Variants in MICAL2 observed in about 807,000 individuals in gnomAD.
The protein encoded by MICAL2 is [F-actin]-monooxygenase MICAL2.
A neutral mutation model predicts 127.3 loss-of-function variants in MICAL2; 77 were observed. That is an observed-to-expected ratio of 0.60 (90% CI 0.50 to 0.73). The LOEUF is 0.73. Among genes scored for constraint, MICAL2 ranks in the 30% least tolerant of loss-of-function variants. MICAL2 has a pLI of 0.00. For missense variants in MICAL2, 1,351 were observed against 1,434.4 expected, an observed-to-expected ratio of 0.94 and a Z score of 0.94; for synonymous variants, 570 against 551.1, an observed-to-expected ratio of 1.03 and a Z score of -0.48.
chr11:12,131,450 C>T (rs1274714490), intron 1 of MICAL2, among the ~76,000 whole-genome samples: 1 of 152,204 alleles, frequency 6.6e-6, no homozygotes, highest in Non-Finnish European at 1.5e-5. Flanking sequence ...TCCCTGGCCC[C>T]AATTCTTTGC....
At position 12,204,255 on chromosome 11, in the gene MICAL2, C is replaced by T. The variant is rs770524720; in HGVS notation, c.270C>T (p.Leu90=). The part of the protein sequence containing the change: ...RGKSCTNTKC[L]IVGGGPCGLR... ...CTCCTCTCTCACCTCTGCAGTGTCTCATAGTTGGGGGAGGACCCTGTGGCT... is the reference window on the plus strand; with the variant it reads ...CTCCTCTCTCACCTCTGCAGTGTCTTATAGTTGGGGGAGGACCCTGTGGCT... Residue 90 remains leucine (L), a synonymous_variant, in exon 4 of 28, where the codon CTC becomes CTT. Transcript: ENST00000683283. 20 of 1,614,036 alleles carry T rather than the reference C, an allele frequency of 1.2e-5. No individual in the cohort carries two copies. The highest frequency in any genetic ancestry group is 1.6e-4 in the Middle Eastern group (1 of 6,072).
At chr11:12,258,819 A>G (rs1862688873) in intron 25 of MICAL2, among the ~76,000 whole-genome samples, 1 of 152,226 alleles carries the variant, frequency 6.6e-6, no homozygotes, top group Non-Finnish European at 1.5e-5. Context: ...GAGCTTGCCC[A>G]TGTGGCAGGG....
chr11:12,134,091 C>G (rs2011872), intron 1 of MICAL2, among the ~76,000 whole-genome samples: 136,248 of 152,184 alleles, frequency 0.9, 62,019 homozygotes, highest in Non-Finnish European at 0.99. Flanking sequence ...TCATGAGCCT[C>G]AGTTTCTTCA....
chr11:12,283,078 A>G lies in MICAL2; in HGVS notation c.254+1979A>G, dbSNP rs556628559. ...ACAATTCTTTGTCGAGTTAGTCTTC[A>G]TCAGTCATTGTTTTATCATTGCTAG... On this transcript the variant is annotated intron_variant, in intron 2 of 2. Coordinates refer to the MICAL2 transcript ENST00000529028. Among the ~76,000 whole-genome samples, 3 of 152,320 alleles carry G rather than the reference A, an allele frequency of 2.0e-5. No individual in the cohort carries two copies. The East Asian group carries it at 5.8e-4, about 29-fold the overall frequency.
At chr11:12,203,829 C>T (rs908121565) in intron 3 of MICAL2, among the ~76,000 whole-genome samples, 2 of 152,070 alleles carry the variant, frequency 1.3e-5, no homozygotes, top group Non-Finnish European at 2.9e-5. Flanking sequence ...GACACTATTA[C>T]CTAATTCAAG....
chr11:12,262,658 G>C (rs1267874479), intron 27 of MICAL2, 121 bp downstream of exon 27: 2 of 847,752 alleles, frequency 2.4e-6, no homozygotes, highest in Non-Finnish European at 3.9e-6. Context: ...CATACTGATG[G>C]ACTCATTTGG....
intron 31 of MICAL2, chr11:12,324,146 G>C: frequency 6.5e-7 from 1 of 1,540,860 alleles, no homozygotes; most frequent in Non-Finnish European, 8.7e-7. Context: ...AAGAGTTTTG[G>C]GGGTCTGCAT....
At chr11:12,184,026 C>T (rs1350911075) in intron 3 of MICAL2, among the ~76,000 whole-genome samples, 7 of 152,170 alleles carry the variant, frequency 4.6e-5, no homozygotes, top group East Asian at 1.9e-4. Context: ...GTGATCCACT[C>T]GCCTTGGTTT....
At chr11:12,161,810 G>A (rs925919764) in intron 2 of MICAL2, 2 of 311,924 alleles carry the variant, frequency 6.4e-6, no homozygotes, top group African/African-American at 4.2e-5. Flanking sequence ...GTTGGCATTA[G>A]CCAGGGCATA....
chr11:12,119,982 C>T (rs16910545), intron 1 of MICAL2, among the ~76,000 whole-genome samples: 13,868 of 152,282 alleles, frequency 0.091, 1,455 homozygotes, highest in African/African-American at 0.26. Flanking sequence ...GGCTGTGGTC[C>T]TTGATCAGTC....
chr11:12,124,733 T>C (rs951243744), intron 1 of MICAL2, among the ~76,000 whole-genome samples: 14 of 152,244 alleles, frequency 9.2e-5, no homozygotes, highest in African/African-American at 3.4e-4. Context: ...TCCCCTGTCC[T>C]GGTCTCCTCA....
downstream of MICAL2, among the ~76,000 whole-genome samples, chr11:12,267,851 C>T (rs1206671034): frequency 1.3e-5 from 2 of 152,302 alleles, no homozygotes; most frequent in African/African-American, 4.8e-5. Context: ...CCTCAGCTTC[C>T]CAAAGTGCTG....
At chr11:12,361,709 A>G (rs1180151243), downstream of MICAL2, among the ~76,000 whole-genome samples, 3 of 152,298 alleles carry the variant, frequency 2.0e-5, no homozygotes, top group East Asian at 5.8e-4. Context: ...AATGAAATTG[A>G]TGTTTTCTGC....
At chr11:12,157,720 G>C (rs1194936261) in intron 2 of MICAL2, among the ~76,000 whole-genome samples, 1 of 151,792 alleles carries the variant, frequency 6.6e-6, no homozygotes, top group Non-Finnish European at 1.5e-5. Context: ...TCCTGACTAC[G>C]TTCTTTTGGG....
chr11:12,202,164 C>T (rs1362421632), intron 3 of MICAL2, among the ~76,000 whole-genome samples: 1 of 152,094 alleles, frequency 6.6e-6, no homozygotes, highest in African/African-American at 2.4e-5. Context: ...CAGACCAACT[C>T]TCATCTCTTT....
At chr11:12,217,449 G>A (rs1037693056) in intron 8 of MICAL2, among the ~76,000 whole-genome samples, 2 of 152,166 alleles carry the variant, frequency 1.3e-5, no homozygotes, top group African/African-American at 4.8e-5. Flanking sequence ...GCAGATGGGT[G>A]GGCGATGGGC....
intron 32 of MICAL2, among the ~76,000 whole-genome samples, chr11:12,348,810 T>C (rs1159211029): frequency 1.3e-5 from 2 of 152,206 alleles, no homozygotes; most frequent in African/African-American, 2.4e-5. Flanking sequence ...TGATGATAAG[T>C]GTATCTACAG....
intron 2 of MICAL2, among the ~76,000 whole-genome samples, chr11:12,141,835 T>C (rs1741858466): frequency 6.6e-6 from 1 of 152,146 alleles, no homozygotes; most frequent in Admixed American, 6.5e-5. Context: ...TGGTAGAAGG[T>C]TGCTCAGTGA....
intron 1 of MICAL2, among the ~76,000 whole-genome samples, chr11:12,115,691 A>G (rs968082855): frequency 5.9e-5 from 9 of 152,086 alleles, no homozygotes; most frequent in African/African-American, 1.9e-4. Flanking sequence ...GCTAGAGTTG[A>G]TCTTTTCCTT....
Sources: allele counts gnomAD v4.1 joint callset (sites outside exome capture counted in the v4.1 genomes callset), GRCh38; gene constraint gnomAD v4.1.1; transcripts MANE v1.5; gene names NCBI Gene and HGNC (gene_info 2026-07-23, HGNC 2026-07-21).